Variants in ARB2A observed in about 807,000 individuals in gnomAD.
The protein encoded by ARB2A is ARB2 cotranscriptional regulator A.
chr5:93,883,441 A>G, the ARB2A span, among the ~76,000 whole-genome samples: 1 of 151,642 alleles, frequency 6.6e-6, no homozygotes, highest in East Asian at 1.9e-4. Context: ...GCTCTAAGTC[A>G]AAAGTTTTAC....
At chr5:93,882,716 G>A in the ARB2A span, among the ~76,000 whole-genome samples, 2 of 150,868 alleles carry the variant, frequency 1.3e-5, no homozygotes, top group East Asian at 3.9e-4. Context: ...TGTGTTGTGA[G>A]GTTCCAATTA....
chr5:93,621,010 G>A, the ARB2A span: 5 of 1,611,240 alleles, frequency 3.1e-6, no homozygotes, highest in South Asian at 1.1e-5. Flanking sequence ...TGCTTGATGC[G>A]GTGGGAGCGG....
At chr5:93,995,417 C>T in the ARB2A span, among the ~76,000 whole-genome samples, 2 of 152,126 alleles carry the variant, frequency 1.3e-5, no homozygotes, top group African/African-American at 4.8e-5. Flanking sequence ...TGAAAGTGTT[C>T]CCAAGAAGCA....
chr5:93,627,452 T>TG, the ARB2A span, among the ~76,000 whole-genome samples: 14 of 149,902 alleles, frequency 9.3e-5, no homozygotes, highest in Non-Finnish European at 1.5e-4. Context: ...TGTTTTTTTT[T>TG]TTTTTTTTTG....
At chr5:93,791,995 CACATGCTCT>C in the ARB2A span, among the ~76,000 whole-genome samples, 2 of 151,436 alleles carry the variant, frequency 1.3e-5, no homozygotes, top group East Asian at 1.9e-4. Context: ...AGAAAGAAGA[CACATGCTCT>C]ACAAAATACG....
At chr5:93,652,685 A>G in the ARB2A span, among the ~76,000 whole-genome samples, 6 of 152,320 alleles carry the variant, frequency 3.9e-5, no homozygotes, top group Admixed American at 3.3e-4. Flanking sequence ...GCTTTGTAGG[A>G]TATCAACAGC....
the ARB2A span, among the ~76,000 whole-genome samples, chr5:93,724,878 A>C: frequency 6.6e-6 from 1 of 152,060 alleles, no homozygotes; most frequent in East Asian, 1.9e-4. Flanking sequence ...TGGGGTCATT[A>C]TTAAGTAAAA....
chr5:93,634,354 C>A, the ARB2A span, among the ~76,000 whole-genome samples: 2 of 151,260 alleles, frequency 1.3e-5, no homozygotes, highest in African/African-American at 4.9e-5. Flanking sequence ...GAGCCGAGAT[C>A]GCGCCATGGC....
the ARB2A span, among the ~76,000 whole-genome samples, chr5:93,676,745 T>C: frequency 1.3e-5 from 2 of 152,186 alleles, no homozygotes; most frequent in African/African-American, 4.8e-5. Context: ...TAAACAAATA[T>C]GCCGTATAAG....
the ARB2A span, among the ~76,000 whole-genome samples, chr5:93,904,143 A>G: frequency 2.6e-5 from 4 of 152,060 alleles, no homozygotes; most frequent in Admixed American, 2.0e-4. Context: ...ACTAAAGGGA[A>G]TAGCAGTTGC....
chr5:93,899,178 C>T, the ARB2A span, among the ~76,000 whole-genome samples: 2 of 151,942 alleles, frequency 1.3e-5, no homozygotes, highest in African/African-American at 4.8e-5. Flanking sequence ...TCTGTAATGA[C>T]CATATGTCAC....
At chr5:94,069,018 A>G in the ARB2A span, among the ~76,000 whole-genome samples, 2 of 149,444 alleles carry the variant, frequency 1.3e-5, no homozygotes, top group African/African-American at 2.5e-5. Flanking sequence ...CTCGGCAACA[A>G]TAGTGAAACT....
the ARB2A span, among the ~76,000 whole-genome samples, chr5:93,666,717 G>A: frequency 2.0e-5 from 3 of 152,068 alleles, no homozygotes; most frequent in African/African-American, 7.2e-5. Flanking sequence ...TGCAAGTCAC[G>A]TTCCATCTGC....
At chr5:93,663,106 C>T in the ARB2A span, among the ~76,000 whole-genome samples, 1 of 152,258 alleles carries the variant, frequency 6.6e-6, no homozygotes, top group African/African-American at 2.4e-5. Flanking sequence ...CTCTCAACAC[C>T]GTTACACTGA....
the ARB2A span, among the ~76,000 whole-genome samples, chr5:93,889,572 G>A: frequency 1.3e-5 from 2 of 151,740 alleles, no homozygotes; most frequent in Admixed American, 1.3e-4. Context: ...AAACAGCTGT[G>A]TTGGTAAAAT....
At chr5:93,740,168 A>G in the ARB2A span, 1 of 157,320 alleles carries the variant, frequency 6.4e-6, no homozygotes, top group African/African-American at 2.4e-5. Flanking sequence ...ATTTTAAGTA[A>G]AAAATTGTAT....
the ARB2A span, among the ~76,000 whole-genome samples, chr5:93,928,638 G>A: frequency 1.3e-5 from 2 of 152,166 alleles, no homozygotes; most frequent in South Asian, 2.1e-4. Flanking sequence ...CTTTTAGATC[G>A]TAAGAGTTAA....
chr5:93,879,134 A>G, the ARB2A span, among the ~76,000 whole-genome samples: 1 of 152,084 alleles, frequency 6.6e-6, no homozygotes, highest in Admixed American at 6.6e-5. Context: ...TTGGGAGATA[A>G]GTAGAGAGAA....
the ARB2A span, among the ~76,000 whole-genome samples, chr5:93,766,269 A>G: frequency 6.6e-6 from 1 of 152,206 alleles, no homozygotes; most frequent in African/African-American, 2.4e-5. Context: ...AAATGGAAGA[A>G]AAGTTTTGCA....
Sources: gnomAD v4.1 joint callset for allele counts (sites outside exome capture counted in the v4.1 genomes callset) on GRCh38, gnomAD v4.1.1 for gene constraint, MANE v1.5 for transcripts, NCBI Gene and HGNC (gene_info 2026-07-23, HGNC 2026-07-21) for gene names.